AHNAK: variants seen among roughly 807,000 people sequenced by gnomAD.
AHNAK encodes the protein AHNAK nucleoprotein, also known as neuroblast differentiation-associated protein AHNAK.
Under a neutral mutation model 37.8 loss-of-function variants are expected in AHNAK, and 23 were observed. That is an observed-to-expected ratio of 0.61 (90% CI 0.44 to 0.86). AHNAK has a LOEUF of 0.86. Among genes scored for constraint, AHNAK ranks in the 40% least tolerant of loss-of-function variants. AHNAK has a pLI of 0.00. For missense variants in AHNAK, 7,411 were observed against 7,319.4 expected (o/e 1.01, Z -0.46); for synonymous variants, 2,481 against 2,636.3 (o/e 0.94, Z 1.80).
rs758742278 is a variant in AHNAK, at chr11:62,527,054, T to C, written c.7363A>G (p.Met2455Val). 1.8e-5 allele frequency: 29 copies of C among 1,614,040 alleles called. No homozygotes were observed. In the South Asian group the frequency reaches 2.6e-4, roughly 15 times the overall value. The change falls in exon 5 of 5, where the codon ATG (methionine) becomes GTG (valine). Residue 2455 changes from methionine to valine, a missense_variant. Met to Val is a conservative substitution (Grantham distance 21). Coordinates refer to ENST00000378024, the MANE Select transcript of AHNAK (RefSeq NM_001620.3). ...DMHFKAPNIS[M>V]PDVDLNLKGP... ...TTGAGATTTAGATCAACATCAGGCA[T>C]AGAAATATTGGGGGCTTTGAAATGC...
chr11:62,529,530 A>G lies in AHNAK; in HGVS notation c.4887T>C (p.Ile1629=). Residue 1629 remains isoleucine, a synonymous_variant, in exon 5 of 5, where the codon ATT becomes ATC. Transcript: ENST00000378024. ...KMDVNVGDID[I]EGPEGKLKGP... ...CCTTCAACTTCCCTTCTGGACCTTC[A>G]ATATCAATATCACCAACATTCACAT... 1 of 1,614,100 alleles carries G rather than the reference A, an allele frequency of 6.2e-7. No homozygotes were observed. Among genetic ancestry groups the G allele is most frequent in the Middle Eastern group, 1.6e-4 (1 of 6,062 alleles).
chr11:62,520,062 C>T lies in AHNAK; in HGVS notation c.14355G>A (p.Met4785Ile), dbSNP rs769908670. ...TGAAGCCAGGCATGCTGAATTTGGGCATTTTCACCTTGGGCATCTTCAGGT... is the reference window on the plus strand; with the variant it reads ...TGAAGCCAGGCATGCTGAATTTGGGTATTTTCACCTTGGGCATCTTCAGGT... The part of the protein sequence containing the change: ...DWHLKMPKVK[M>I]PKFSMPGFKG... Residue 4785 changes from methionine to isoleucine, a missense_variant, in exon 5 of 5, where the codon ATG (methionine) becomes ATA (isoleucine). Transcript: ENST00000378024. 1.2e-4 allele frequency: 198 copies of T among 1,612,660 alleles called. No homozygotes were observed. The highest frequency in any genetic ancestry group is 1.5e-4 in the Non-Finnish European group (176 of 1,179,740).
Position 62,523,787 on chromosome 11 carries a change from A to G in AHNAK, c.10630T>C (p.Ser3544Pro). 1 of 1,614,100 alleles carries G rather than the reference A, an allele frequency of 6.2e-7. No individual in the cohort carries two copies. Among genetic ancestry groups the G allele is most frequent in the South Asian group, 1.1e-5 (1 of 91,072 alleles). Residue 3544 changes from serine (S) to proline (P), a missense_variant, in exon 5 of 5, where the codon TCC becomes CCC. Physicochemically the swap from Ser to Pro is moderately conservative, Grantham distance 74. Coordinates refer to ENST00000378024, the MANE Select transcript of AHNAK (RefSeq NM_001620.3). ...AAGTTTAAGTCAATGTCAGGCATGG[A>G]GATCTTGGGAGCTTTGATATTCATG... ...PDMNIKAPKI[S>P]MPDIDLNLKG...
intron 4 of AHNAK, among the ~76,000 whole-genome samples, chr11:62,492,147 A>C (rs759118375): frequency 3.3e-5 from 5 of 152,176 alleles, no homozygotes; most frequent in Non-Finnish European, 7.3e-5. Context: ...ATTCTCCTCA[A>C]GGGCTTTGCA....
intron 5 of AHNAK, among the ~76,000 whole-genome samples, chr11:62,462,541 A>C (rs1565202394): frequency 6.6e-6 from 1 of 152,316 alleles, no homozygotes; most frequent in East Asian, 1.9e-4. Context: ...TTTTATGACG[A>C]AACTAAGTTT....
intron 5 of AHNAK, among the ~76,000 whole-genome samples, chr11:62,441,445 C>A (rs1318117153): frequency 6.6e-6 from 1 of 152,068 alleles, no homozygotes; most frequent in Non-Finnish European, 1.5e-5. Flanking sequence ...TGCCCTCCAA[C>A]CTACGTGACA....
intron 4 of AHNAK, among the ~76,000 whole-genome samples, chr11:62,499,781 G>C (rs1375217975): frequency 6.6e-6 from 1 of 152,250 alleles, no homozygotes; most frequent in Non-Finnish European, 1.5e-5. Flanking sequence ...TAGGAGGACA[G>C]AGGATAGCTG....
intron 1 of AHNAK, among the ~76,000 whole-genome samples, chr11:62,544,151 G>C (rs1054369221): frequency 1.3e-5 from 2 of 152,044 alleles, no homozygotes; most frequent in African/African-American, 4.8e-5. Context: ...AAAGAATCCA[G>C]CCTGGCAGCA....
Position 62,530,008 on chromosome 11 carries a change from T to C in AHNAK, c.4409A>G (p.Asp1470Gly), listed in dbSNP as rs760146494. The change falls in exon 5 of 5, where the codon GAT becomes GGT. Residue 1470 changes from aspartate (D) to glycine (G), a missense_variant. Physicochemically the swap from Asp to Gly is moderately conservative, Grantham distance 94. Coordinates refer to ENST00000378024, the MANE Select transcript of AHNAK (RefSeq NM_001620.3). ...TCCTTCTACTTTTGGAACTGTTACA[T>C]CATAATCTCCTTTCATTTTAGGACC... ...LKGPKMKGDYDVTVPKVEGEI... is the reference protein window; with the variant it reads ...LKGPKMKGDYGVTVPKVEGEI... 6.2e-7 allele frequency: 1 copy of C among 1,614,112 alleles called. No individual in the cohort carries two copies. Among genetic ancestry groups the C allele is most frequent in the East Asian group, 2.2e-5 (1 of 44,878 alleles).
chr11:62,526,387 T>C lies in AHNAK; in HGVS notation c.8030A>G (p.Glu2677Gly). The C allele has an allele frequency of 1.2e-6, 2 of 1,610,536 alleles. No homozygotes were observed. The highest frequency in any genetic ancestry group is 1.7e-6 in the Non-Finnish European group (2 of 1,179,110). Residue 2677 changes from glutamate (E) to glycine (G), a missense_variant, in exon 5 of 5, where the codon GAA becomes GGA. By Grantham distance (98) the Glu-to-Gly change is moderately conservative. Transcript: ENST00000378024. ...IDVSGPKVDIEGPDVNIEGPE... is the reference protein window; with the variant it reads ...IDVSGPKVDIGGPDVNIEGPE... ...TCCTTCAATGTTAACATCAGGGCCT[T>C]CAATGTCCACTTTGGGTCCTGAGAC...
chr11:62,519,969 C>T lies in AHNAK; in HGVS notation c.14448G>A (p.Val4816=). 1 of 1,613,190 alleles carries T rather than the reference C, an allele frequency of 6.2e-7. No individual in the cohort carries two copies. Among genetic ancestry groups the T allele is most frequent in the Non-Finnish European group, 8.5e-7 (1 of 1,179,838 alleles). Reference sequence around the variant, plus strand: ...TATTCACATCTGGAATATCAACGTCCACCTTGGGTCCCGAGACATCGATGT... The same window carrying T: ...TATTCACATCTGGAATATCAACGTCTACCTTGGGTCCCGAGACATCGATGT... ...KADIDVSGPK[V]DVDIPDVNIE... is the part of the protein sequence containing the mutation. Residue 4816 remains valine, a synonymous_variant, in exon 5 of 5, where the codon GTG becomes GTA. Coordinates refer to ENST00000378024, the MANE Select transcript of AHNAK (RefSeq NM_001620.3).
intron 5 of AHNAK, among the ~76,000 whole-genome samples, chr11:62,483,560 A>G (rs1190392260): frequency 6.6e-6 from 1 of 150,922 alleles, no homozygotes; most frequent in Non-Finnish European, 1.5e-5. Context: ...CCCCGTCTCT[A>G]CTAAAAAAAA....
intron 5 of AHNAK, among the ~76,000 whole-genome samples, chr11:62,445,456 A>G (rs1938403391): frequency 6.6e-6 from 1 of 152,128 alleles, no homozygotes; most frequent in South Asian, 2.1e-4. Flanking sequence ...AATAAAGGAG[A>G]AAGGTTTGGC....
chr11:62,479,167 C>CTTTTTTTTTTTTTTTTTTTTTTTTTT (rs33929407), intron 5 of AHNAK, among the ~76,000 whole-genome samples: 3 of 116,248 alleles, frequency 2.6e-5, no homozygotes, highest in Non-Finnish European at 3.3e-5. Context: ...TTTCTTTTTT[C>CTTTTTTTTTTTTTTTTTTTTTTTTTT]TTTTTTTTTT....
chr11:62,523,611 C>A lies in AHNAK; in HGVS notation c.10806G>T (p.Met3602Ile), dbSNP rs1160751663. The A allele has an allele frequency of 2.5e-6, 4 of 1,614,052 alleles. No homozygotes were observed. Among genetic ancestry groups the A allele is most frequent in the Non-Finnish European group, 3.4e-6 (4 of 1,180,046 alleles). ...DVHGPDWHLK[M>I]PKVKMPKFSM... ...TGAACTTGGGCATTTTCACTTTGGG[C>A]ATCTTCAGATGCCAGTCTGGACCAT... The change falls in exon 5 of 5, where the codon ATG becomes ATT. Residue 3602 changes from methionine to isoleucine, a missense_variant. Coordinates refer to ENST00000378024, the MANE Select transcript of AHNAK (RefSeq NM_001620.3).
intron 1 of AHNAK, among the ~76,000 whole-genome samples, chr11:62,541,156 C>A (rs1257745745): frequency 6.6e-6 from 1 of 152,206 alleles, no homozygotes; most frequent in Non-Finnish European, 1.5e-5. Flanking sequence ...AACACACACT[C>A]CCCCAGAGAC....
intron 5 of AHNAK, among the ~76,000 whole-genome samples, chr11:62,471,280 G>C (rs1016490427): frequency 1.3e-5 from 2 of 152,116 alleles, no homozygotes; most frequent in African/African-American, 4.8e-5. Flanking sequence ...GGGGGGCTTT[G>C]GTTGTCGCAA....
chr11:62,458,323 C>G (rs1938712004), intron 5 of AHNAK, among the ~76,000 whole-genome samples: 1 of 152,054 alleles, frequency 6.6e-6, no homozygotes, highest in Non-Finnish European at 1.5e-5. Flanking sequence ...ACTTCTTCAT[C>G]CCCACGTCAG....
At chr11:62,472,957 A>G (rs546974429) in intron 5 of AHNAK, among the ~76,000 whole-genome samples, 2 of 151,418 alleles carry the variant, frequency 1.3e-5, no homozygotes, top group African/African-American at 2.4e-5. Context: ...ACAGTGGTGC[A>G]TGCCTGTAAC....
Sources: gnomAD v4.1 joint callset for allele counts (sites outside exome capture counted in the v4.1 genomes callset) on GRCh38, gnomAD v4.1.1 for gene constraint, MANE v1.5 for transcripts, NCBI Gene and HGNC (gene_info 2026-07-23, HGNC 2026-07-21) for gene names.